CAMK1G: variants seen among roughly 807,000 people sequenced by gnomAD.
CAMK1G encodes the protein calcium/calmodulin dependent protein kinase IG, also known as calcium/calmodulin-dependent protein kinase type 1G.
A neutral mutation model predicts 54.8 loss-of-function variants in CAMK1G; 27 were observed. The observed-to-expected ratio is 0.49, with a 90% CI of 0.36 to 0.68. The LOEUF (loss-of-function observed/expected upper bound fraction) is 0.68, where lower values mean the gene tolerates loss of function less well. CAMK1G is among the 30% of genes least tolerant of loss of function. The probability of loss-of-function intolerance (pLI) is 0.00; values close to 1 mark genes in which losing one functional copy is unlikely to be tolerated. For synonymous variants in CAMK1G, 238 were observed against 224.9 expected (o/e 1.06, Z -0.52); for missense variants, 512 against 591.0 (o/e 0.87, Z 1.39).
chr1:209,606,585 G>A, intron 6 of CAMK1G, 142 bp downstream of exon 6: 2 of 930,872 alleles, frequency 2.1e-6, no homozygotes, highest in Admixed American at 2.7e-5. Flanking sequence ...TAAAGTTTAG[G>A]GCCAGCCAAT....
rs953513685 is a variant in CAMK1G, at chr1:209,613,215, C to G, written c.*213C>G. 6 of 268,364 alleles carry G rather than the reference C, an allele frequency of 2.2e-5. No individual in the cohort carries two copies. Among genetic ancestry groups the G allele is most frequent in the Non-Finnish European group, 4.5e-5 (6 of 134,346 alleles). The allele number at this position is 268,364 out of a possible 1,614,324, so 16.6% of individuals were successfully genotyped here. On this transcript the variant is annotated 3_prime_UTR_variant, in exon 13 of 13. Coordinates refer to ENST00000361322, the MANE Select transcript of CAMK1G (RefSeq NM_020439.3). ...AGGAGGGAGCCCCAAGGCGTAGAAG[C>G]CTTGTTGAAGCTGTGAGCAGGAGAA...
At chr1:209,605,996 T>A (rs9429822) in intron 5 of CAMK1G, among the ~76,000 whole-genome samples, 4,190 of 152,322 alleles carry the variant, frequency 0.028, 172 homozygotes, top group East Asian at 0.23. Context: ...GGCCTTGCAC[T>A]GGACTCTGGA....
intron 9 of CAMK1G, among the ~76,000 whole-genome samples, chr1:209,610,930 C>T (rs1225942826): frequency 6.6e-6 from 1 of 152,136 alleles, no homozygotes; most frequent in Non-Finnish European, 1.5e-5. Context: ...AAAGGGGCAG[C>T]CTGTACCAGA....
chr1:209,588,676 C>A (rs1228716048), intron 1 of CAMK1G, among the ~76,000 whole-genome samples: 3 of 152,146 alleles, frequency 2.0e-5, no homozygotes, highest in Non-Finnish European at 4.4e-5. Flanking sequence ...TATATGACCA[C>A]AGTGAGGAGG....
chr1:209,596,907 A>G (rs1423400027), intron 2 of CAMK1G, among the ~76,000 whole-genome samples: 1 of 152,148 alleles, frequency 6.6e-6, no homozygotes, highest in East Asian at 1.9e-4. Flanking sequence ...ACTAAACTGG[A>G]ATTTTGGGAG....
chr1:209,608,383 G>A (rs1470623642), intron 7 of CAMK1G, among the ~76,000 whole-genome samples: 8 of 151,904 alleles, frequency 5.3e-5, no homozygotes, highest in Admixed American at 1.3e-4. Flanking sequence ...TTTCCTTTTC[G>A]CTCCTCTCCA....
intron 11 of CAMK1G, 24 bp from the exon 12 acceptor site, chr1:209,612,761 G>T (rs1254731345): frequency 3.1e-6 from 5 of 1,607,956 alleles, no homozygotes; most frequent in Non-Finnish European, 4.3e-6. Context: ...TACTTCAAAG[G>T]TTGTTGCTTC....
intron 7 of CAMK1G, among the ~76,000 whole-genome samples, chr1:209,608,721 A>C (rs574319626): frequency 6.6e-5 from 10 of 152,320 alleles, no homozygotes; most frequent in African/African-American, 1.9e-4. Context: ...AAGTATAAGG[A>C]GAGGTGGCAA....
chr1:209,605,369 G>A (rs1665621645), intron 4 of CAMK1G, 167 bp from the exon 5 acceptor site: 1 of 227,756 alleles, frequency 4.4e-6, no homozygotes, highest in Non-Finnish European at 7.3e-6. Flanking sequence ...GGTACCCAGA[G>A]TGGGTGTTCT....
In CAMK1G at chr1:209,611,778, T is replaced by A. The variant is rs370632835; in HGVS notation, c.916-14T>A. 16 of 1,611,192 alleles carry A rather than the reference T, an allele frequency of 9.9e-6. No individual in the cohort carries two copies. The African/African-American group carries it at 1.9e-4, about 19-fold the overall frequency. On this transcript the variant is annotated splice_polypyrimidine_tract_variant and intron_variant, in intron 10 of 12. Transcript: ENST00000361322. ...GGTTGCAGAAGGCCAGAGGCTGCTC[T>A]TGTGTCTCCTTAGCAAGCCTTCAAC...
At chr1:209,610,376 A>G (rs964118734) in intron 9 of CAMK1G, among the ~76,000 whole-genome samples, 4 of 152,198 alleles carry the variant, frequency 2.6e-5, no homozygotes, top group Non-Finnish European at 5.9e-5. Context: ...ATATTTTTTC[A>G]TGTTACTTCC....
chr1:209,611,796 C>A lies in CAMK1G; in HGVS notation c.920C>A (p.Ala307Asp). ...KNFAKSKWRQ[A>D]FNAAAVVHHM... Reference sequence around the variant, plus strand: ...GCTGCTCTTGTGTCTCCTTAGCAAGCCTTCAACGCAGCAGCTGTGGTGCAC... The same window carrying A: ...GCTGCTCTTGTGTCTCCTTAGCAAGACTTCAACGCAGCAGCTGTGGTGCAC... Residue 307 changes from alanine (A) to aspartate (D), a missense_variant, in exon 11 of 13, where the codon GCC becomes GAC. This residue lies in a region of CAMK1G where 315 missense variants were observed against 330.5 expected (regional missense o/e 0.95). Transcript: ENST00000361322. 1 of 1,613,440 alleles carries A rather than the reference C, an allele frequency of 6.2e-7. No homozygotes were observed. Among genetic ancestry groups the A allele is most frequent in the Non-Finnish European group, 8.5e-7 (1 of 1,179,716 alleles).
At chr1:209,604,384 A>G (rs1291115651) in intron 4 of CAMK1G, among the ~76,000 whole-genome samples, 4 of 152,200 alleles carry the variant, frequency 2.6e-5, no homozygotes, top group Non-Finnish European at 5.9e-5. Flanking sequence ...GTCCCTGAGG[A>G]GACACTAAGC....
chr1:209,589,215 G>T (rs1042106843), intron 1 of CAMK1G, among the ~76,000 whole-genome samples: 3 of 152,220 alleles, frequency 2.0e-5, no homozygotes, highest in Non-Finnish European at 4.4e-5. Context: ...TCTGGGTGTG[G>T]GTAGACGGAC....
rs140048036 is a variant in CAMK1G at position 209,605,457 on chromosome 1, CA to C, written c.297-77del. ...CCTGTTCCACTGCAGCTGTGTCCCC[CA>C]AGGCTTCAAAGCAAACACCTTCTCA... On this transcript the variant is annotated intron_variant, in intron 4 of 12. Transcript: ENST00000361322. The C allele has an allele frequency of 5.2e-3, 7,947 of 1,534,744 alleles. 360 individuals are homozygous for C. In the African/African-American group the frequency reaches 0.094, roughly 18 times the overall value.
In CAMK1G at chr1:209,600,104, T is replaced by C; in HGVS notation, c.214T>C (p.Leu72=). Residue 72 remains leucine, a synonymous_variant, in exon 3 of 13, where the codon TTG becomes CTG. Transcript: ENST00000361322. The part of the protein sequence containing the change: ...DSSLENEIAV[L]KKIKHENIVT... ...CAGCCTGGAGAATGAGATTGCTGTG[T>C]TGAAAAAGTGAGTGGGTCTTAGTGT... The C allele has an allele frequency of 6.2e-7, 1 of 1,613,402 alleles. No homozygotes were observed. The highest frequency in any genetic ancestry group is 8.5e-7 in the Non-Finnish European group (1 of 1,179,690).
At chr1:209,606,561 A>AG in intron 6 of CAMK1G, 118 bp downstream of exon 6, 1 of 1,135,486 alleles carries the variant, frequency 8.8e-7, no homozygotes, top group South Asian at 1.5e-5. Flanking sequence ...CTATCCTGGT[A>AG]GGACATCCAC....
At chr1:209,593,576 A>AC (rs1302877295) in intron 1 of CAMK1G, among the ~76,000 whole-genome samples, 3 of 151,962 alleles carry the variant, frequency 2.0e-5, no homozygotes, top group African/African-American at 7.3e-5. Context: ...CAGTCAGGGC[A>AC]CCCCCCAACC....
chr1:209,609,809 A>T, intron 8 of CAMK1G, 42 bp from the exon 9 acceptor site: 1 of 1,601,490 alleles, frequency 6.2e-7, no homozygotes, highest in South Asian at 1.1e-5. Flanking sequence ...TCAGTCATGA[A>T]ATCTGGTCCT....
Sources: allele counts gnomAD v4.1 joint callset (sites outside exome capture counted in the v4.1 genomes callset), GRCh38; gene constraint gnomAD v4.1.1; regional missense constraint gnomAD v4.1.1; transcripts MANE v1.5; gene names NCBI Gene and HGNC (gene_info 2026-07-23, HGNC 2026-07-21).